Variants in CEP112 observed in about 807,000 individuals in gnomAD.
CEP112 encodes the protein centrosomal protein of 112 kDa.
CEP112 carries 127 observed loss-of-function variants against 153.0 expected under a neutral mutation model. The ratio of observed to expected loss-of-function variants is 0.83; its 90% CI spans 0.72 to 0.96. The LOEUF is 0.96. Among genes scored for constraint, CEP112 ranks in the 40% least tolerant of loss-of-function variants. The pLI is 0.00. For synonymous variants in CEP112, 358 were observed against 374.4 expected (o/e 0.96, Z 0.51); for missense variants, 1,089 against 1,101.2 (o/e 0.99, Z 0.16).
At chr17:65,871,747 T>A (rs1359116754) in intron 20 of CEP112, among the ~76,000 whole-genome samples, 1 of 152,208 alleles carries the variant, frequency 6.6e-6, no homozygotes, top group Non-Finnish European at 1.5e-5. Flanking sequence ...CAACATAGTA[T>A]CCTCGCTAGA....
chr17:65,900,241 T>A (rs1265822632), intron 20 of CEP112, among the ~76,000 whole-genome samples: 3 of 152,216 alleles, frequency 2.0e-5, no homozygotes, highest in Non-Finnish European at 4.4e-5. Flanking sequence ...CAAGAATGCA[T>A]TTAGCCTGTT....
rs780332003 is a variant in CEP112 at position 65,902,292 on chromosome 17, G to C, written c.2023C>G (p.Leu675Val). ...TTCTCTGCGTTATGCTGCTGTAATA[G>C]GTGCGTCTTCTCCTGTTCATGCTCC... ...KLEHEQEKTH[L>V]LQQHNAEKDS... The change falls in exon 20 of 27, where the codon CTA (leucine) becomes GTA (valine). Residue 675 changes from leucine (L) to valine (V), a missense_variant. Transcript: ENST00000535342. 10 of 1,613,610 alleles carry C rather than the reference G, an allele frequency of 6.2e-6. No individual in the cohort carries two copies. The highest frequency in any genetic ancestry group is 7.6e-6 in the Non-Finnish European group (9 of 1,179,942).
intron 17 of CEP112, among the ~76,000 whole-genome samples, chr17:65,962,480 A>C (rs2062240749): frequency 6.6e-6 from 1 of 152,198 alleles, no homozygotes; most frequent in Non-Finnish European, 1.5e-5. Flanking sequence ...AAACAAAAGG[A>C]ATCTTTGCAT....
chr17:65,708,729 G>A (rs557639346), intron 23 of CEP112, among the ~76,000 whole-genome samples: 34 of 152,280 alleles, frequency 2.2e-4, no homozygotes, highest in Non-Finnish European at 4.4e-4. Flanking sequence ...GTTCTCAACC[G>A]AAATTTAAAT....
intron 24 of CEP112, among the ~76,000 whole-genome samples, chr17:65,672,995 A>G (rs758955732): frequency 4.0e-4 from 61 of 152,326 alleles, no homozygotes; most frequent in South Asian, 8.3e-4. Context: ...TTAAAACAAC[A>G]CAGATTTATT....
rs555483890 is a variant in CEP112 at position 65,854,158 on chromosome 17, C to T, written c.2164-2124G>A. 2.6e-5 allele frequency among the ~76,000 whole-genome samples: 4 copies of T among 152,178 alleles called. No homozygotes were observed. In the East Asian group the frequency reaches 7.7e-4, roughly 29 times the overall value. ...GTATGTTCAACAAGCACAGCCTAAA[C>T]CAACATTTCCTTGACTGGAAACCAG... On this transcript the variant is annotated intron_variant, in intron 20 of 26. Transcript: ENST00000535342.
chr17:65,753,075 G>C, intron 21 of CEP112, among the ~76,000 whole-genome samples: 1 of 152,180 alleles, frequency 6.6e-6, no homozygotes, highest in East Asian at 1.9e-4. Flanking sequence ...GACTTCCTCA[G>C]GGAGTAGAGA....
At chr17:66,032,537 A>G (rs1172160427) in intron 12 of CEP112, among the ~76,000 whole-genome samples, 1 of 152,138 alleles carries the variant, frequency 6.6e-6, no homozygotes, top group Non-Finnish European at 1.5e-5. Flanking sequence ...ACCAAAGATT[A>G]CCAAGATTGC....
At chr17:65,897,697 GAAT>G (rs1445512446) in intron 20 of CEP112, among the ~76,000 whole-genome samples, 8 of 151,586 alleles carry the variant, frequency 5.3e-5, no homozygotes, top group South Asian at 2.1e-4. Context: ...TTTGATTTGA[GAAT>G]AATAATATTC....
chr17:65,822,248 T>A (rs939014904), intron 21 of CEP112, among the ~76,000 whole-genome samples: 3 of 151,996 alleles, frequency 2.0e-5, no homozygotes, highest in African/African-American at 7.3e-5. Flanking sequence ...TATATTGTTG[T>A]TATAAAAAAA....
chr17:65,957,722 T>C (rs928613273), intron 18 of CEP112, among the ~76,000 whole-genome samples: 1 of 152,184 alleles, frequency 6.6e-6, no homozygotes, highest in African/African-American at 2.4e-5. Flanking sequence ...TTTTGTTGTA[T>C]TTCTGCTTCT....
intron 10 of CEP112, among the ~76,000 whole-genome samples, chr17:66,063,985 C>T (rs908683328): frequency 1.3e-5 from 2 of 152,170 alleles, no homozygotes; most frequent in African/African-American, 4.8e-5. Flanking sequence ...AAAAATCACA[C>T]CTTCTTTATG....
intron 8 of CEP112, among the ~76,000 whole-genome samples, chr17:66,083,166 T>C (rs983077102): frequency 4.9e-4 from 75 of 152,160 alleles, no homozygotes; most frequent in African/African-American, 1.8e-3. Flanking sequence ...GAGAGGTAAT[T>C]GAATCATGGG....
chr17:65,900,965 T>G (rs150245809), intron 20 of CEP112, among the ~76,000 whole-genome samples: 35 of 152,302 alleles, frequency 2.3e-4, no homozygotes, highest in African/African-American at 7.7e-4. Context: ...ACAAAACCTG[T>G]GCTGTGTATA....
chr17:65,650,504 C>T lies in CEP112; in HGVS notation c.2698-9439G>A, dbSNP rs576074834. ...CTAACACGTTTCCTCCCAGCTGCCT[C>T]TGCTTGCTGCTGGGCTCAGTACCTG... On this transcript the variant is annotated intron_variant, in intron 24 of 26. Coordinates refer to ENST00000535342, the MANE Select transcript of CEP112 (RefSeq NM_001199165.4). 4.5e-4 allele frequency among the ~76,000 whole-genome samples: 69 copies of T among 152,250 alleles called. 1 individual carries two copies. The Middle Eastern group carries it at 0.01, about 23-fold the overall frequency.
At chr17:65,795,202 C>T (rs1021317985) in intron 21 of CEP112, among the ~76,000 whole-genome samples, 3 of 152,182 alleles carry the variant, frequency 2.0e-5, no homozygotes, top group Admixed American at 6.5e-5. Context: ...CAGCCAGTCT[C>T]ACTCTGAAAC....
At chr17:66,018,723 A>G (rs2064873928) in intron 16 of CEP112, among the ~76,000 whole-genome samples, 1 of 152,200 alleles carries the variant, frequency 6.6e-6, no homozygotes, top group African/African-American at 2.4e-5. Flanking sequence ...AGGCATTGGA[A>G]TAACTATATT....
intron 24 of CEP112, among the ~76,000 whole-genome samples, chr17:65,682,842 C>T (rs996908504): frequency 1.5e-4 from 23 of 152,166 alleles, no homozygotes; most frequent in African/African-American, 5.1e-4. Context: ...CCCTTCTCCG[C>T]TATAAACAAC....
intron 4 of CEP112, among the ~76,000 whole-genome samples, chr17:66,170,178 G>A (rs776209972): frequency 6.6e-6 from 1 of 152,130 alleles, no homozygotes. Flanking sequence ...TTAGAAGCAA[G>A]TCACAGGACC....
Sources: allele counts gnomAD v4.1 joint callset (sites outside exome capture counted in the v4.1 genomes callset), GRCh38; gene constraint gnomAD v4.1.1; transcripts MANE v1.5; gene names NCBI Gene and HGNC (gene_info 2026-07-23, HGNC 2026-07-21).